The following MARCO variants were observed in gnomAD, a reference collection of about 807,000 sequenced individuals.
MARCO encodes macrophage receptor MARCO.
MARCO carries 72 observed loss-of-function variants against 70.0 expected under a neutral mutation model. That is an observed-to-expected ratio of 1.03 (90% CI 0.85 to 1.25). The LOEUF is 1.25. Among genes scored for constraint, MARCO ranks in the 50% most tolerant of loss-of-function variants. MARCO has a pLI of 0.00. For synonymous variants in MARCO, 273 were observed against 243.1 expected, an observed-to-expected ratio of 1.12 and a Z score of -1.14; for missense variants, 696 against 659.3, an observed-to-expected ratio of 1.06 and a Z score of -0.61.
chr2:118,984,762 C>A (rs917659676), intron 12 of MARCO, among the ~76,000 whole-genome samples: 4 of 152,160 alleles, frequency 2.6e-5, no homozygotes, highest in Non-Finnish European at 5.9e-5. Context: ...AGGGTGGGAG[C>A]CCAATCTCCC....
intron 12 of MARCO, among the ~76,000 whole-genome samples, chr2:118,982,656 A>AC (rs1680416885): frequency 2.0e-5 from 3 of 152,108 alleles, no homozygotes; most frequent in African/African-American, 2.4e-5. Flanking sequence ...CTCCAGCATC[A>AC]CGGAGGAGAG....
intron 1 of MARCO, among the ~76,000 whole-genome samples, chr2:118,955,918 T>A (rs767871414): frequency 6.6e-6 from 1 of 152,106 alleles, no homozygotes; most frequent in Non-Finnish European, 1.5e-5. Context: ...TAATTCACCA[T>A]GGCCAAGCCA....
chr2:118,994,145 G>A (rs528668156), intron 16 of MARCO, among the ~76,000 whole-genome samples: 1 of 152,260 alleles, frequency 6.6e-6, no homozygotes, highest in Non-Finnish European at 1.5e-5. Flanking sequence ...ATTTGCATGA[G>A]ACTTTTGTCA....
intron 13 of MARCO, among the ~76,000 whole-genome samples, chr2:118,991,244 T>C (rs940024237): frequency 7.2e-5 from 10 of 139,646 alleles, no homozygotes; most frequent in African/African-American, 2.4e-4. Flanking sequence ...TATTCTATTA[T>C]GTTTTATGGT....
intron 1 of MARCO, among the ~76,000 whole-genome samples, chr2:118,946,733 T>C (rs530476587): frequency 6.6e-6 from 1 of 152,354 alleles, no homozygotes. Context: ...TTACAAGAAG[T>C]AGTCGATATA....
At position 118,986,652 on chromosome 2, in the gene MARCO, A is replaced by AGAAGGAAGGAAGGAAG. The variant is rs199975278; in HGVS notation, c.1064-3929_1064-3914dup. Among the ~76,000 whole-genome samples the AGAAGGAAGGAAGGAAG allele has an allele frequency of 2.3e-4, 11 of 48,442 alleles. 1 individual carries two copies. Among genetic ancestry groups the AGAAGGAAGGAAGGAAG allele is most frequent in the African/African-American group, 8.2e-4 (7 of 8,578 alleles). The allele number at this position is 48,442 out of a possible 152,430, so 31.8% of individuals were successfully genotyped here. A position where few individuals can be genotyped will look rare whatever the true frequency, so the allele number is the denominator to read the frequency against. Reference sequence around the variant, plus strand: ...AAGAAAGAAAGAAAGAAAGAAAGAAAGAAGGAAGGAAGGAAGGAAGGAAAG... The same window carrying AGAAGGAAGGAAGGAAG: ...AAGAAAGAAAGAAAGAAAGAAAGAAAGAAGGAAGGAAGGAAGGAAGGAAGGAAGGAAGGAAGGAAAG... On this transcript the variant is annotated intron_variant, in intron 12 of 16. Transcript: ENST00000327097.
chr2:118,979,780 T>G (rs564626112), intron 8 of MARCO, among the ~76,000 whole-genome samples: 2 of 152,336 alleles, frequency 1.3e-5, no homozygotes, highest in East Asian at 1.9e-4. Flanking sequence ...ACCCATGGCT[T>G]GCTCAATCCA....
intron 1 of MARCO, among the ~76,000 whole-genome samples, chr2:118,956,754 C>T (rs540178623): frequency 7.2e-5 from 11 of 152,128 alleles, no homozygotes; most frequent in African/African-American, 2.6e-4. Flanking sequence ...ATAAAATGAC[C>T]CTCAATAAAT....
At position 118,970,206 on chromosome 2, in the gene MARCO, C is replaced by G; in HGVS notation, c.292C>G (p.Gln98Glu). ...AEDSPSFSLL[Q>E]SAHPGEHLAQ... The stretch of plus-strand genomic sequence containing the variant: ...GGACAGCCCGTCCTTCTCCTTGCTG[C>G]AGTCAGCACACCCTGGAGAACACCT... Residue 98 changes from glutamine (Q) to glutamate (E), a missense_variant, in exon 3 of 17, where the codon CAG becomes GAG. Physicochemically the swap from Gln to Glu is conservative, Grantham distance 29. Transcript: ENST00000327097. 6.2e-7 allele frequency: 1 copy of G among 1,614,122 alleles called. No homozygotes were observed. The highest frequency in any genetic ancestry group is 8.5e-7 in the Non-Finnish European group (1 of 1,180,014).
chr2:118,967,692 AGGGGTCCCTGCTGTGCG>A (rs1463288204), intron 1 of MARCO, among the ~76,000 whole-genome samples: 1 of 152,138 alleles, frequency 6.6e-6, no homozygotes, highest in Non-Finnish European at 1.5e-5. Context: ...TTTCTCAAGC[AGGGGTCCCTGCTGTGCG>A]GGGGTTGGAA....
rs377680271 is a variant in MARCO, at chr2:118,977,582, C to G, written c.658+67C>G. The G allele has an allele frequency of 2.9e-5, 41 of 1,409,588 alleles. No homozygotes were observed. The Middle Eastern group carries it at 6.7e-4, about 23-fold the overall frequency. The allele number at this position is 1,409,588 out of a possible 1,614,324, so 87.3% of individuals were successfully genotyped here. ...CTGAGGCACTGAGGCAGTTCCCCCC[C>G]ACCCCCCATCCTCTTTCCACAGCCC... On this transcript the variant is annotated intron_variant, in intron 7 of 16. Coordinates refer to ENST00000327097, the MANE Select transcript of MARCO (RefSeq NM_006770.4).
At position 118,974,285 on chromosome 2, in the gene MARCO, C is replaced by T. The variant is rs769425635; in HGVS notation, c.461-48C>T. 9 of 1,122,396 alleles carry T rather than the reference C, an allele frequency of 8.0e-6. No homozygotes were observed. The South Asian group carries it at 1.2e-4, about 15-fold the overall frequency. The allele number at this position is 1,122,396 out of a possible 1,614,324, so 69.5% of individuals were successfully genotyped here. ...TGTAAGTGATTGCATGGCGTTGTTG[C>T]CCCATCCTGTTGACTGACTCATTAG... On this transcript the variant is annotated intron_variant, in intron 4 of 16. Coordinates refer to ENST00000327097, the MANE Select transcript of MARCO (RefSeq NM_006770.4).
chr2:118,976,380 T>G (rs551572680), intron 6 of MARCO, among the ~76,000 whole-genome samples: 1 of 152,262 alleles, frequency 6.6e-6, no homozygotes, highest in South Asian at 2.1e-4. Flanking sequence ...GAAAAGCTTG[T>G]GTAATTCAGC....
At chr2:118,954,086 T>A (rs140646465) in intron 1 of MARCO, among the ~76,000 whole-genome samples, 2 of 152,034 alleles carry the variant, frequency 1.3e-5, no homozygotes, top group Non-Finnish European at 2.9e-5. Context: ...CAGGGGAGGG[T>A]GCGAATCCAG....
In MARCO at chr2:118,971,495, G is replaced by T; in HGVS notation, c.425-4G>T. 1.2e-6 allele frequency: 2 copies of T among 1,613,846 alleles called. No individual in the cohort carries two copies. Among genetic ancestry groups the T allele is most frequent in the Non-Finnish European group, 1.7e-6 (2 of 1,179,774 alleles). ...AGCTGCAGCTCACTCTCCTTCCCTT[G>T]CAGGGATGTTCAGAATCAAAGGTGA... On this transcript the variant is annotated splice_region_variant and splice_polypyrimidine_tract_variant and intron_variant, in intron 3 of 16. Transcript: ENST00000327097.
Position 118,982,274 on chromosome 2 carries a change from G to T in MARCO, c.1000+20G>T, listed in dbSNP as rs1383065239. 11 of 1,611,404 alleles carry T rather than the reference G, an allele frequency of 6.8e-6. No individual in the cohort carries two copies. The highest frequency in any genetic ancestry group is 2.5e-6 in the Non-Finnish European group (3 of 1,177,818). On this transcript the variant is annotated intron_variant, in intron 11 of 16. Coordinates refer to ENST00000327097, the MANE Select transcript of MARCO (RefSeq NM_006770.4). ...GAGCAGGTGAGGTCCTGGGTCCTAT[G>T]GTGGGCACAGGGAGTGATGTGTGAA...
intron 4 of MARCO, among the ~76,000 whole-genome samples, chr2:118,972,109 G>C (rs1680184523): frequency 6.6e-6 from 1 of 152,170 alleles, no homozygotes; most frequent in African/African-American, 2.4e-5. Flanking sequence ...GGAAGCAGTG[G>C]AGATAATCGA....
Position 118,991,744 on chromosome 2 carries a change from G to A in MARCO, c.1109-33G>A, listed in dbSNP as rs768499645. On this transcript the variant is annotated intron_variant, in intron 13 of 16. Coordinates refer to ENST00000327097, the MANE Select transcript of MARCO (RefSeq NM_006770.4). Reference sequence around the variant, plus strand: ...GGTCTCTCTTGGGAAGGCAAAGCAGGGCACCTGATCAGGGCAGTGTCTCTC... The same window carrying A: ...GGTCTCTCTTGGGAAGGCAAAGCAGAGCACCTGATCAGGGCAGTGTCTCTC... 7 of 1,379,704 alleles carry A rather than the reference G, an allele frequency of 5.1e-6. No individual in the cohort carries two copies. The African/African-American group carries it at 1.0e-4, about 20-fold the overall frequency. The allele number at this position is 1,379,704 out of a possible 1,614,324, so 85.5% of individuals were successfully genotyped here. A position where few individuals can be genotyped will look rare whatever the true frequency, so the allele number is the denominator to read the frequency against.
At chr2:118,960,545 C>T (rs988358155) in intron 1 of MARCO, among the ~76,000 whole-genome samples, 5 of 152,176 alleles carry the variant, frequency 3.3e-5, no homozygotes, top group Admixed American at 3.3e-4. Flanking sequence ...TTGGCAAGTG[C>T]TTTTTCTGCA....
Sources: gnomAD v4.1 joint callset for allele counts (sites outside exome capture counted in the v4.1 genomes callset) on GRCh38, gnomAD v4.1.1 for gene constraint, MANE v1.5 for transcripts, NCBI Gene and HGNC (gene_info 2026-07-23, HGNC 2026-07-21) for gene names.